Variants in MAPRE2 observed in about 807,000 individuals in gnomAD.
The protein encoded by MAPRE2 is microtubule associated protein RP/EB family member 2.
MAPRE2 carries 13 observed loss-of-function variants against 43.2 expected under a neutral mutation model. The observed-to-expected ratio is 0.30, with a 90% CI of 0.20 to 0.48. The LOEUF (loss-of-function observed/expected upper bound fraction) is 0.48, where lower values mean the gene tolerates loss of function less well. MAPRE2 is among the 20% of genes least tolerant of loss of function. The probability of loss-of-function intolerance (pLI) is 0.99; values close to 1 mark genes in which losing one functional copy is unlikely to be tolerated. For synonymous variants in MAPRE2, 135 were observed against 148.8 expected, an observed-to-expected ratio of 0.91 and a Z score of 0.68; for missense variants, 161 against 400.2, an observed-to-expected ratio of 0.40 and a Z score of 5.10.
intron 2 of MAPRE2, among the ~76,000 whole-genome samples, chr18:35,033,983 T>G (rs1210295244): frequency 1.3e-5 from 2 of 150,978 alleles, no homozygotes; most frequent in Non-Finnish European, 1.5e-5. Context: ...AAGCTACCAA[T>G]GACTTTCTTC....
At chr18:35,042,946 A>C (rs1341439026) in intron 1 of MAPRE2, among the ~76,000 whole-genome samples, 2 of 152,128 alleles carry the variant, frequency 1.3e-5, no homozygotes, top group Non-Finnish European at 2.9e-5. Flanking sequence ...AATTATAAGC[A>C]ACCTTTGCCC....
chr18:35,034,498 A>C (rs1265439299), intron 2 of MAPRE2, among the ~76,000 whole-genome samples: 2 of 152,134 alleles, frequency 1.3e-5, no homozygotes, highest in Admixed American at 1.3e-4. Flanking sequence ...AACAAAAGCC[A>C]AAATTGACAA....
chr18:35,039,265 C>A (rs567225381), upstream of MAPRE2, among the ~76,000 whole-genome samples: 1 of 152,256 alleles, frequency 6.6e-6, no homozygotes, highest in African/African-American at 2.4e-5. Flanking sequence ...TGAAAGGAAG[C>A]AAATTAGTAA....
rs970746112 is a variant in MAPRE2, at chr18:35,142,881, G to C, written c.*2512G>C. On this transcript the variant is annotated 3_prime_UTR_variant, in exon 7 of 7. Transcript: ENST00000300249. ...TAGCGGCCCCTGGTCACATGTCATC[G>C]GGCTGGGCAGGAAGCGTCCCTGATT... 1.3e-5 allele frequency: 2 copies of C among 151,866 alleles called. No individual in the cohort carries two copies. Among genetic ancestry groups the C allele is most frequent in the African/African-American group, 4.8e-5 (2 of 41,300 alleles). 9.4% of individuals were successfully genotyped at this position (151,866 alleles called of 1,614,324 possible).
upstream of MAPRE2, among the ~76,000 whole-genome samples, chr18:35,036,584 C>T (rs1469200781): frequency 1.3e-5 from 2 of 152,142 alleles, no homozygotes; most frequent in Non-Finnish European, 2.9e-5. Flanking sequence ...CCTTCCCTAC[C>T]TCTGTATGTA....
At chr18:35,045,637 G>A (rs1217209056) in intron 1 of MAPRE2, among the ~76,000 whole-genome samples, 1 of 152,188 alleles carries the variant, frequency 6.6e-6, no homozygotes, top group Non-Finnish European at 1.5e-5. Context: ...GTGTATAAAA[G>A]AGTTGTGAAA....
chr18:35,124,741 G>A (rs779864792), intron 4 of MAPRE2, among the ~76,000 whole-genome samples: 7 of 152,132 alleles, frequency 4.6e-5, no homozygotes, highest in Admixed American at 1.3e-4. Context: ...TGATATTTCC[G>A]AGCTGTCTCC....
chr18:34,998,772 A>ATTTTATTTTTTTTTTTTTTTT (rs2097027862), intron 1 of MAPRE2, among the ~76,000 whole-genome samples: 1 of 93,732 alleles, frequency 1.1e-5, no homozygotes, highest in African/African-American at 5.0e-5. Flanking sequence ...CGAAGTTGCA[A>ATTTTATTTTTTTTTTTTTTTT]TTTTTTTTTT....
intron 2 of MAPRE2, among the ~76,000 whole-genome samples, chr18:35,036,223 T>C (rs1273328314): frequency 6.6e-6 from 1 of 152,082 alleles, no homozygotes; most frequent in Non-Finnish European, 1.5e-5. Flanking sequence ...GACGATTGCA[T>C]CCACATCCAA....
At chr18:35,084,992 T>C (rs185045490) in intron 2 of MAPRE2, among the ~76,000 whole-genome samples, 21 of 152,328 alleles carry the variant, frequency 1.4e-4, no homozygotes, top group Non-Finnish European at 2.6e-4. Context: ...TGCTCCTCCA[T>C]GCCAGGAATG....
chr18:35,009,796 G>A (rs959895493), intron 2 of MAPRE2, among the ~76,000 whole-genome samples: 13 of 152,142 alleles, frequency 8.5e-5, no homozygotes, highest in African/African-American at 3.1e-4. Context: ...CAGCTGGAAG[G>A]AACCTCACTG....
intron 1 of MAPRE2, among the ~76,000 whole-genome samples, chr18:35,064,333 G>A (rs906259772): frequency 6.6e-6 from 1 of 151,774 alleles, no homozygotes; most frequent in Admixed American, 6.6e-5. Flanking sequence ...ATACATATAT[G>A]TATATATACT....
intron 1 of MAPRE2, among the ~76,000 whole-genome samples, chr18:34,981,174 A>C (rs997543237): frequency 4.0e-5 from 6 of 151,898 alleles, no homozygotes; most frequent in East Asian, 1.9e-4. Flanking sequence ...GGAGTTCAAG[A>C]CCAGCCTGGC....
At chr18:35,041,387 G>A (rs1355070658), upstream of MAPRE2, 7 of 1,489,136 alleles carry the variant, frequency 4.7e-6, no homozygotes, top group Middle Eastern at 2.0e-4. Context: ...GGGGCCGCAG[G>A]AGGGCGGGGC....
At chr18:35,064,445 G>A (rs1197005162) in intron 1 of MAPRE2, among the ~76,000 whole-genome samples, 3 of 152,136 alleles carry the variant, frequency 2.0e-5, no homozygotes, top group African/African-American at 7.2e-5. Context: ...TTTGCAAGGG[G>A]TGGGGCAGGG....
chr18:35,110,215 G>A (rs1909116891), intron 4 of MAPRE2, among the ~76,000 whole-genome samples: 1 of 152,066 alleles, frequency 6.6e-6, no homozygotes, highest in Non-Finnish European at 1.5e-5. Flanking sequence ...GTTGGCTTTT[G>A]AACACTTGAA....
At chr18:34,977,478 C>T (rs1471250592) in intron 1 of MAPRE2, among the ~76,000 whole-genome samples, 2 of 152,200 alleles carry the variant, frequency 1.3e-5, no homozygotes, top group East Asian at 1.9e-4. Context: ...ACTGCGCGAC[C>T]GCGGCGCACG....
intron 1 of MAPRE2, among the ~76,000 whole-genome samples, chr18:34,992,644 G>A (rs1169838492): frequency 2.6e-5 from 4 of 151,694 alleles, no homozygotes; most frequent in African/African-American, 7.3e-5. Flanking sequence ...TTTTTCCTTT[G>A]GGGAATCCAT....
intron 2 of MAPRE2, among the ~76,000 whole-genome samples, chr18:35,006,183 G>A (rs531918875): frequency 6.6e-6 from 1 of 152,294 alleles, no homozygotes; most frequent in South Asian, 2.1e-4. Context: ...AGATGGCAAT[G>A]TTTGGAAAGC....
Sources: gnomAD v4.1 joint callset for allele counts (sites outside exome capture counted in the v4.1 genomes callset) on GRCh38, gnomAD v4.1.1 for gene constraint, MANE v1.5 for transcripts, NCBI Gene and HGNC (gene_info 2026-07-23, HGNC 2026-07-21) for gene names.